Variants in NDST3 observed in about 807,000 individuals in gnomAD.
The protein encoded by NDST3 is N-deacetylase and N-sulfotransferase 3, also known as bifunctional heparan sulfate N-deacetylase/N-sulfotransferase 3.
A neutral mutation model predicts 96.1 loss-of-function variants in NDST3; 58 were observed. The ratio of observed to expected loss-of-function variants is 0.60; its 90% CI spans 0.49 to 0.75. NDST3 has a LOEUF of 0.75. Ranked by LOEUF, NDST3 falls within the 30% of genes least tolerant of loss-of-function variation. The probability of loss-of-function intolerance (pLI) is 0.00; values close to 1 mark genes in which losing one functional copy is unlikely to be tolerated. For missense variants in NDST3, 788 were observed against 1,034.2 expected, an observed-to-expected ratio of 0.76 and a Z score of 3.27; for synonymous variants, 333 against 359.7, an observed-to-expected ratio of 0.93 and a Z score of 0.84.
chr4:118,247,206 T>A (rs1347122686), intron 12 of NDST3, among the ~76,000 whole-genome samples: 10 of 142,802 alleles, frequency 7.0e-5, no homozygotes, highest in East Asian at 2.0e-4. Flanking sequence ...CAGGGGGGTT[T>A]AAAAAAAAAA....
At chr4:118,170,627 G>A (rs1735877654) in intron 6 of NDST3, among the ~76,000 whole-genome samples, 1 of 152,160 alleles carries the variant, frequency 6.6e-6, no homozygotes, top group Non-Finnish European at 1.5e-5. Flanking sequence ...TACTTGGGAG[G>A]CTGAGGCAGA....
chr4:118,101,158 T>C (rs1411271184), intron 2 of NDST3, among the ~76,000 whole-genome samples: 1 of 152,030 alleles, frequency 6.6e-6, no homozygotes, highest in East Asian at 1.9e-4. Context: ...AACATAAATC[T>C]TCATGTAAAA....
intron 4 of NDST3, among the ~76,000 whole-genome samples, chr4:118,135,767 G>A (rs906849975): frequency 4.6e-5 from 7 of 152,166 alleles, no homozygotes; most frequent in Non-Finnish European, 1.0e-4. Flanking sequence ...GTGTGCATTT[G>A]TAGTCCTAAC....
At chr4:118,172,293 A>G (rs13140433) in intron 6 of NDST3, among the ~76,000 whole-genome samples, 9,348 of 152,238 alleles carry the variant, frequency 0.061, 391 homozygotes, top group Non-Finnish European at 0.093. Context: ...AGCCTTAAAC[A>G]TCTTGGTATC....
Position 118,205,547 on chromosome 4 carries a change from T to C in NDST3, c.1540-18944T>C, listed in dbSNP as rs544334121. Reference sequence around the variant, plus strand: ...ATGGTTCCAGTTAGTGATGCTAATGTTCTTGTTCAGCTTTTCATAGGTGTT... The same window carrying C: ...ATGGTTCCAGTTAGTGATGCTAATGCTCTTGTTCAGCTTTTCATAGGTGTT... On this transcript the variant is annotated intron_variant, in intron 6 of 13. Coordinates refer to ENST00000296499, the MANE Select transcript of NDST3 (RefSeq NM_004784.3). Among the ~76,000 whole-genome samples the C allele has an allele frequency of 6.4e-4, 92 of 144,740 alleles. 15 individuals are homozygous for C. The highest frequency in any genetic ancestry group is 2.2e-3 in the African/African-American group (85 of 39,312). 95.0% of individuals were successfully genotyped at this position (144,740 alleles called of 152,430 possible).
At chr4:118,085,794 C>T (rs1728374478) in intron 2 of NDST3, among the ~76,000 whole-genome samples, 1 of 152,054 alleles carries the variant, frequency 6.6e-6, no homozygotes, top group African/African-American at 2.4e-5. Context: ...CATGAGAAAA[C>T]CAGAACACAA....
Position 118,257,749 on chromosome 4 carries a change from T to C in NDST3, c.*2037T>C, listed in dbSNP as rs1169829446. Reference sequence around the variant, plus strand: ...CTATTAGCAGAAAAAATTGGAAAAATCACCAATTTTTAAGACTCTTGACTC... The same window carrying C: ...CTATTAGCAGAAAAAATTGGAAAAACCACCAATTTTTAAGACTCTTGACTC... On this transcript the variant is annotated 3_prime_UTR_variant, in exon 14 of 14. Coordinates refer to ENST00000296499, the MANE Select transcript of NDST3 (RefSeq NM_004784.3). The C allele has an allele frequency of 6.6e-6, 1 of 152,100 alleles. No homozygotes were observed. The highest frequency in any genetic ancestry group is 2.4e-5 in the African/African-American group (1 of 41,434). 9.4% of individuals were successfully genotyped at this position (152,100 alleles called of 1,614,324 possible). A position where few individuals can be genotyped will look rare whatever the true frequency, so the allele number is the denominator to read the frequency against.
chr4:118,181,461 G>T (rs1736605665), intron 6 of NDST3, among the ~76,000 whole-genome samples: 1 of 152,092 alleles, frequency 6.6e-6, no homozygotes, highest in Non-Finnish European at 1.5e-5. Context: ...ATGCCGACAA[G>T]AAAGGAAGCA....
intron 6 of NDST3, among the ~76,000 whole-genome samples, chr4:118,187,464 A>G (rs931666874): frequency 2.6e-5 from 4 of 151,192 alleles, no homozygotes; most frequent in African/African-American, 9.9e-5. Flanking sequence ...CCTTAAGAGG[A>G]GTGGACCAAT....
intron 6 of NDST3, among the ~76,000 whole-genome samples, chr4:118,202,813 T>C (rs1002642500): frequency 1.3e-5 from 2 of 152,214 alleles, no homozygotes; most frequent in Non-Finnish European, 2.9e-5. Context: ...TTTCTTTCTC[T>C]TGCCTGATTG....
intron 2 of NDST3, among the ~76,000 whole-genome samples, chr4:118,087,814 G>A (rs537297698): frequency 6.6e-6 from 1 of 152,192 alleles, no homozygotes; most frequent in Admixed American, 6.6e-5. Flanking sequence ...CCCAAGGAGA[G>A]ACAGTTCCAA....
intron 2 of NDST3, among the ~76,000 whole-genome samples, chr4:118,067,508 T>C (rs1227377231): frequency 6.6e-6 from 1 of 152,130 alleles, no homozygotes; most frequent in Non-Finnish European, 1.5e-5. Context: ...GCTAGAAGCA[T>C]ATCTCCAATA....
At chr4:118,234,565 G>T (rs1740516605) in intron 9 of NDST3, among the ~76,000 whole-genome samples, 1 of 152,002 alleles carries the variant, frequency 6.6e-6, no homozygotes, top group Non-Finnish European at 1.5e-5. Flanking sequence ...GGACAGGAAT[G>T]TATTAGTATT....
intron 4 of NDST3, among the ~76,000 whole-genome samples, chr4:118,136,252 G>C (rs1053270924): frequency 1.3e-5 from 2 of 152,096 alleles, no homozygotes; most frequent in Non-Finnish European, 2.9e-5. Flanking sequence ...TCTAAAAGTT[G>C]AAATTTAAAA....
At chr4:118,181,425 G>A (rs1736602358) in intron 6 of NDST3, among the ~76,000 whole-genome samples, 2 of 152,070 alleles carry the variant, frequency 1.3e-5, no homozygotes, top group Admixed American at 6.6e-5. Flanking sequence ...GGCCAGGGAA[G>A]TTCCACATTA....
intron 6 of NDST3, chr4:118,193,607 TG>T: frequency 8.2e-7 from 1 of 1,215,248 alleles, no homozygotes; most frequent in Non-Finnish European, 1.2e-6. Flanking sequence ...CACAGCCAGC[TG>T]GGCCTTGGCG....
chr4:118,039,468 A>C (rs887226382), intron 1 of NDST3, among the ~76,000 whole-genome samples: 2 of 152,246 alleles, frequency 1.3e-5, no homozygotes, highest in Non-Finnish European at 2.9e-5. Context: ...ACTCTATTAG[A>C]CATTAAAAAT....
intron 5 of NDST3, among the ~76,000 whole-genome samples, chr4:118,139,486 A>G (rs905372907): frequency 3.3e-5 from 5 of 152,180 alleles, no homozygotes; most frequent in Non-Finnish European, 5.9e-5. Context: ...TTCAGCAGAC[A>G]GTTGATTACA....
intron 2 of NDST3, among the ~76,000 whole-genome samples, chr4:118,094,620 T>C (rs1373164405): frequency 2.0e-5 from 3 of 151,898 alleles, no homozygotes; most frequent in African/African-American, 7.2e-5. Context: ...TCAAATATTA[T>C]TCTTTCCTCT....
Sources: gnomAD v4.1 joint callset for allele counts (sites outside exome capture counted in the v4.1 genomes callset) on GRCh38, gnomAD v4.1.1 for gene constraint, MANE v1.5 for transcripts, NCBI Gene and HGNC (gene_info 2026-07-23, HGNC 2026-07-21) for gene names.